The following LDB2 variants were observed in gnomAD, a reference collection of about 807,000 sequenced individuals.
LDB2 encodes LIM domain binding 2.
A neutral mutation model predicts 44.3 loss-of-function variants in LDB2; 12 were observed. The observed-to-expected ratio is 0.27, with a 90% CI of 0.17 to 0.44. LDB2 has a LOEUF of 0.44. Ranked by LOEUF, LDB2 falls within the 20% of genes least tolerant of loss-of-function variation. LDB2 has a pLI of 1.00. For synonymous variants in LDB2, 164 were observed against 174.8 expected (o/e 0.94, Z 0.49); for missense variants, 344 against 473.5 (o/e 0.73, Z 2.54).
At chr4:16,673,528 G>A (rs902833363) in intron 2 of LDB2, among the ~76,000 whole-genome samples, 3 of 152,104 alleles carry the variant, frequency 2.0e-5, no homozygotes, top group East Asian at 1.9e-4. Context: ...ACACATTTTC[G>A]CTAGCTCTGA....
chr4:16,842,674 A>T (rs7671746), intron 1 of LDB2, among the ~76,000 whole-genome samples: 2,702 of 152,246 alleles, frequency 0.018, 91 homozygotes, highest in African/African-American at 0.062. Context: ...TATTGTTAAG[A>T]TCTCTATCTT....
intron 1 of LDB2, among the ~76,000 whole-genome samples, chr4:16,856,635 T>C (rs151005522): frequency 2.6e-5 from 4 of 152,324 alleles, no homozygotes; most frequent in Non-Finnish European, 4.4e-5. Flanking sequence ...ATTTAAAATG[T>C]GTATGTTCTG....
At chr4:16,525,717 AAATT>A (rs143385134) in intron 5 of LDB2, among the ~76,000 whole-genome samples, 13,978 of 152,258 alleles carry the variant, frequency 0.092, 831 homozygotes, top group Non-Finnish European at 0.13. Context: ...GATAATAAAT[AAATT>A]AAATAAACAA....
chr4:16,588,251 G>A (rs572767698), intron 4 of LDB2, among the ~76,000 whole-genome samples: 6 of 152,286 alleles, frequency 3.9e-5, no homozygotes, highest in African/African-American at 1.4e-4. Context: ...TGTGATCAGG[G>A]AGGACCAACT....
intron 2 of LDB2, among the ~76,000 whole-genome samples, chr4:16,693,344 GTTCTTTTTTTTTT>G (rs1751273682): frequency 3.2e-5 from 4 of 123,548 alleles, no homozygotes; most frequent in Non-Finnish European, 6.6e-5. Flanking sequence ...TAGAGCAATA[GTTCTTTTTTTTTT>G]TTTTTTTTTT....
chr4:16,682,707 C>A (rs114793262), intron 2 of LDB2, among the ~76,000 whole-genome samples: 5 of 152,318 alleles, frequency 3.3e-5, no homozygotes, highest in African/African-American at 1.2e-4. Flanking sequence ...AAAAGACTTA[C>A]CCCAGTGCAG....
intron 1 of LDB2, among the ~76,000 whole-genome samples, chr4:16,845,106 T>C (rs929516044): frequency 2.6e-5 from 4 of 152,142 alleles, no homozygotes; most frequent in Non-Finnish European, 5.9e-5. Context: ...GGGGTCTCAA[T>C]TTCACTGTAT....
At chr4:16,855,061 C>T (rs920354215) in intron 1 of LDB2, among the ~76,000 whole-genome samples, 1 of 151,972 alleles carries the variant, frequency 6.6e-6, no homozygotes, top group Admixed American at 6.6e-5. Context: ...AAGGAAATGC[C>T]TACAAAATAA....
chr4:16,851,595 CAA>C (rs1416271456), intron 1 of LDB2, among the ~76,000 whole-genome samples: 1 of 115,074 alleles, frequency 8.7e-6, no homozygotes. Context: ...CTCTTGTCTC[CAA>C]AAAAAAAAAA....
At chr4:16,723,626 C>T (rs897894569) in intron 2 of LDB2, among the ~76,000 whole-genome samples, 3 of 152,148 alleles carry the variant, frequency 2.0e-5, no homozygotes, top group African/African-American at 7.2e-5. Flanking sequence ...ACTGTCTTCT[C>T]TTGATTTTAA....
At chr4:16,707,576 G>T (rs937312327) in intron 2 of LDB2, among the ~76,000 whole-genome samples, 1 of 151,954 alleles carries the variant, frequency 6.6e-6, no homozygotes, top group Non-Finnish European at 1.5e-5. Context: ...CTTCTCTACC[G>T]GCTTCATTTT....
At chr4:16,525,487 T>C (rs1222072861) in intron 5 of LDB2, among the ~76,000 whole-genome samples, 1 of 152,202 alleles carries the variant, frequency 6.6e-6, no homozygotes, top group Non-Finnish European at 1.5e-5. Context: ...GAAGGGAGTT[T>C]GGTGAAAAGT....
chr4:16,770,303 A>T (rs1770374420), intron 1 of LDB2, among the ~76,000 whole-genome samples: 1 of 152,194 alleles, frequency 6.6e-6, no homozygotes. Context: ...AAATCACTTA[A>T]TTCAACAAAT....
At chr4:16,659,671 G>GTGTGTGTGTATATATATA (rs1315288524) in intron 2 of LDB2, among the ~76,000 whole-genome samples, 1 of 133,522 alleles carries the variant, frequency 7.5e-6, no homozygotes, top group African/African-American at 3.0e-5. Context: ...ATCTATGTGT[G>GTGTGTGTGTATATATATA]TATATATATA....
rs56204510 is a variant in LDB2 at position 16,717,187 on chromosome 4, A to AATAATAATAATGATG, written c.235+41970_235+41971insCATCATTATTATTAT. On this transcript the variant is annotated intron_variant, in intron 2 of 7. Transcript: ENST00000304523. Reference sequence around the variant, plus strand: ...TAATAATAATAATAATAATAATAATAATGATGATGAGGAGGACTACATTTA... The same window carrying AATAATAATAATGATG: ...TAATAATAATAATAATAATAATAATAATAATAATAATGATGATGATGATGAGGAGGACTACATTTA... Among the ~76,000 whole-genome samples the AATAATAATAATGATG allele has an allele frequency of 5.1e-3, 743 of 146,910 alleles. 6 individuals are homozygous for AATAATAATAATGATG. The highest frequency in any genetic ancestry group is 0.017 in the African/African-American group (695 of 40,404).
chr4:16,877,002 G>A (rs185259772), intron 1 of LDB2, among the ~76,000 whole-genome samples: 1 of 151,840 alleles, frequency 6.6e-6, no homozygotes, highest in Admixed American at 6.6e-5. Flanking sequence ...CCAACTCTTG[G>A]GCTGAAACAA....
intron 1 of LDB2, among the ~76,000 whole-genome samples, chr4:16,815,424 C>T (rs73799282): frequency 2.6e-5 from 4 of 152,322 alleles, no homozygotes; most frequent in Admixed American, 2.0e-4. Flanking sequence ...GTCTTAATTA[C>T]CCCTGAGTTT....
intron 2 of LDB2, among the ~76,000 whole-genome samples, chr4:16,701,547 T>G (rs567633756): frequency 2.0e-5 from 3 of 152,334 alleles, no homozygotes; most frequent in African/African-American, 7.2e-5. Context: ...AAGAACACTG[T>G]GATCGTAACC....
intron 1 of LDB2, among the ~76,000 whole-genome samples, chr4:16,891,849 G>A (rs1723502762): frequency 6.6e-6 from 1 of 152,124 alleles, no homozygotes; most frequent in East Asian, 1.9e-4. Context: ...AATTTCTATA[G>A]GTAAAACTAG....
Sources: allele counts gnomAD v4.1 joint callset (sites outside exome capture counted in the v4.1 genomes callset), GRCh38; gene constraint gnomAD v4.1.1; transcripts MANE v1.5; gene names NCBI Gene and HGNC (gene_info 2026-07-23, HGNC 2026-07-21).